Variants in HNRNPC observed in about 807,000 individuals in gnomAD.
HNRNPC encodes heterogeneous nuclear ribonucleoprotein C, also known as heterogeneous nuclear ribonucleoproteins C1/C2.
A neutral mutation model predicts 33.2 loss-of-function variants in HNRNPC; 3 were observed. The observed-to-expected ratio is 0.09, with a 90% CI of 0.04 to 0.23. HNRNPC has a LOEUF of 0.23. HNRNPC is among the 10% of genes least tolerant of loss of function. The pLI is 1.00. For missense variants in HNRNPC, 143 were observed against 366.7 expected, an observed-to-expected ratio of 0.39 and a Z score of 4.98; for synonymous variants, 121 against 126.7, an observed-to-expected ratio of 0.96 and a Z score of 0.30.
At chr14:21,240,231 G>C (rs1895190931) in intron 2 of HNRNPC, among the ~76,000 whole-genome samples, 3 of 152,070 alleles carry the variant, frequency 2.0e-5, no homozygotes, top group Admixed American at 2.0e-4. Flanking sequence ...CACCATCCCA[G>C]CCACAGCTTA....
intron 5 of HNRNPC, among the ~76,000 whole-genome samples, chr14:21,229,489 C>G (rs913055651): frequency 6.6e-5 from 10 of 152,158 alleles, no homozygotes; most frequent in African/African-American, 2.4e-4. Context: ...CCTTTACAAT[C>G]TGGATTTGAA....
chr14:21,237,760 T>C (rs1254359900), intron 2 of HNRNPC, among the ~76,000 whole-genome samples: 1 of 152,004 alleles, frequency 6.6e-6, no homozygotes, highest in Non-Finnish European at 1.5e-5. Flanking sequence ...TAAAACAAAC[T>C]CCTTGATCAC....
chr14:21,230,938 T>C, intron 4 of HNRNPC, 59 bp downstream of exon 4: 2 of 1,593,812 alleles, frequency 1.3e-6, no homozygotes, highest in Middle Eastern at 1.7e-4. Context: ...AATGCAGTTA[T>C]AAATAATAAA....
chr14:21,222,393 T>C (rs910331332), intron 5 of HNRNPC, among the ~76,000 whole-genome samples: 1 of 151,674 alleles, frequency 6.6e-6, no homozygotes, highest in East Asian at 1.9e-4. Context: ...TGTTTTTTTT[T>C]CCTGTACGGA....
At chr14:21,219,806 C>T (rs544579369) in intron 5 of HNRNPC, among the ~76,000 whole-genome samples, 4 of 152,190 alleles carry the variant, frequency 2.6e-5, no homozygotes, top group Non-Finnish European at 4.4e-5. Context: ...TCTCTCCAAA[C>T]GGATCAACTT....
rs1294786263 is a variant in HNRNPC, at chr14:21,246,915, CTT to C, written c.-36-12688_-36-12687del. Among the ~76,000 whole-genome samples the C allele has an allele frequency of 2.6e-4, 40 of 152,280 alleles. No individual in the cohort carries two copies. In the East Asian group the frequency reaches 5.4e-3, roughly 21 times the overall value. On this transcript the variant is annotated intron_variant, in intron 2 of 8. Transcript: ENST00000553300. ...CAATATATCTTCTGCTCCTTAATAA[CTT>C]TTTCTTTTCACTAGCTCACTTTCTT...
At chr14:21,265,070 A>C (rs1317655070) in intron 1 of HNRNPC, 1 of 152,192 alleles carries the variant, frequency 6.6e-6, no homozygotes, top group Non-Finnish European at 1.5e-5. Context: ...ACTATACATG[A>C]ATGACTACAG....
chr14:21,241,729 T>C (rs1012460068), intron 2 of HNRNPC, among the ~76,000 whole-genome samples: 2 of 152,132 alleles, frequency 1.3e-5, no homozygotes, highest in African/African-American at 4.8e-5. Context: ...CCTGGAAAAA[T>C]ATGTGCATTT....
intron 2 of HNRNPC, among the ~76,000 whole-genome samples, chr14:21,258,923 C>A (rs922990080): frequency 5.9e-5 from 9 of 152,094 alleles, no homozygotes; most frequent in African/African-American, 2.2e-4. Flanking sequence ...AAACTTACTG[C>A]CCTACTTGCC....
At chr14:21,245,494 C>CA (rs199502414) in intron 2 of HNRNPC, among the ~76,000 whole-genome samples, 17 of 142,440 alleles carry the variant, frequency 1.2e-4, no homozygotes, top group African/African-American at 2.7e-4. Context: ...AGACTGTCGC[C>CA]AAAAAAAATA....
intron 2 of HNRNPC, among the ~76,000 whole-genome samples, chr14:21,247,216 TAGC>T (rs1484269470): frequency 6.6e-6 from 1 of 152,186 alleles, no homozygotes; most frequent in African/African-American, 2.4e-5. Context: ...GTACAGGGCT[TAGC>T]AGTTCGTATT....
intron 5 of HNRNPC, among the ~76,000 whole-genome samples, chr14:21,219,482 T>C (rs1415173694): frequency 6.6e-6 from 1 of 152,222 alleles, no homozygotes. Context: ...AGGTCACCAA[T>C]GACACCGCTA....
At chr14:21,229,131 C>CT (rs919650860) in intron 5 of HNRNPC, among the ~76,000 whole-genome samples, 20 of 150,894 alleles carry the variant, frequency 1.3e-4, no homozygotes, top group African/African-American at 4.9e-4. Flanking sequence ...TGGCTCACGC[C>CT]TGTAATCCCA....
chr14:21,250,656 T>C (rs1432766791), intron 2 of HNRNPC, among the ~76,000 whole-genome samples: 1 of 152,230 alleles, frequency 6.6e-6, no homozygotes, highest in Non-Finnish European at 1.5e-5. Context: ...ATTTCAAATT[T>C]TGCAAATAAA....
chr14:21,268,743 ATAAC>A (rs1211175868), intron 1 of HNRNPC: 6 of 152,236 alleles, frequency 3.9e-5, no homozygotes, highest in African/African-American at 1.4e-4. Context: ...GTAAGTGAAA[ATAAC>A]TACTTCGAGC....
At chr14:21,258,002 A>T (rs1877518449) in intron 2 of HNRNPC, among the ~76,000 whole-genome samples, 1 of 152,226 alleles carries the variant, frequency 6.6e-6, no homozygotes, top group Non-Finnish European at 1.5e-5. Flanking sequence ...GTGTTGGGAA[A>T]TCAAGGGCAA....
chr14:21,255,414 A>G lies in HNRNPC; in HGVS notation c.-37+7897T>C, dbSNP rs552827134. Among the ~76,000 whole-genome samples, 13 of 152,348 alleles carry G rather than the reference A, an allele frequency of 8.5e-5. No individual in the cohort carries two copies. In the South Asian group the frequency reaches 2.5e-3, roughly 29 times the overall value. On this transcript the variant is annotated intron_variant, in intron 2 of 8. Coordinates refer to ENST00000553300, the MANE Select transcript of HNRNPC (RefSeq NM_004500.4). ...TTACAAATAGCCATGCTTTCTCAGT[A>G]GAGAATACATATTTTTAAAATGGTC...
At chr14:21,249,037 T>C (rs975821637) in intron 2 of HNRNPC, among the ~76,000 whole-genome samples, 1 of 152,232 alleles carries the variant, frequency 6.6e-6, no homozygotes, top group African/African-American at 2.4e-5. Context: ...TCTAGAAGAT[T>C]ACATACCAAG....
intron 2 of HNRNPC, among the ~76,000 whole-genome samples, chr14:21,237,952 G>C (rs530509456): frequency 6.6e-5 from 10 of 152,096 alleles, no homozygotes; most frequent in African/African-American, 2.4e-4. Context: ...TGTATTTTTA[G>C]CAAAGACCAG....
Sources: allele counts gnomAD v4.1 joint callset (sites outside exome capture counted in the v4.1 genomes callset), GRCh38; gene constraint gnomAD v4.1.1; transcripts MANE v1.5; gene names NCBI Gene and HGNC (gene_info 2026-07-23, HGNC 2026-07-21).